Variants in CHD9 observed in about 807,000 individuals in gnomAD.
The protein encoded by CHD9 is chromodomain helicase DNA binding protein 9.
In CHD9, 77 loss-of-function variants were observed where a neutral mutation model predicts 316.1. That is an observed-to-expected ratio of 0.24 (90% CI 0.20 to 0.29). The LOEUF (loss-of-function observed/expected upper bound fraction) is 0.29. Ranked by LOEUF, CHD9 falls within the 10% of genes least tolerant of loss-of-function variation. CHD9 has a pLI of 1.00. For synonymous variants in CHD9, 1,129 were observed against 1,158.3 expected (o/e 0.97, Z 0.51); for missense variants, 2,763 against 3,438.1 (o/e 0.80, Z 4.91).
At chr16:53,147,712 A>G (rs2040744313) in intron 1 of CHD9, among the ~76,000 whole-genome samples, 1 of 152,140 alleles carries the variant, frequency 6.6e-6, no homozygotes, top group African/African-American at 2.4e-5. Flanking sequence ...TGACTGAGTA[A>G]GATTCTATTA....
intron 2 of CHD9, among the ~76,000 whole-genome samples, chr16:53,179,485 G>A (rs1189214104): frequency 3.3e-5 from 5 of 151,470 alleles, no homozygotes; most frequent in African/African-American, 1.2e-4. Flanking sequence ...ATCTTAAAGG[G>A]GGATCAATAA....
chr16:53,292,240 G>A (rs985585379), intron 28 of CHD9, among the ~76,000 whole-genome samples: 1 of 152,152 alleles, frequency 6.6e-6, no homozygotes, highest in Non-Finnish European at 1.5e-5. Context: ...GCCTCACCCT[G>A]CCATAGTTCA....
At chr16:53,204,866 CAG>C (rs1419105526) in intron 2 of CHD9, among the ~76,000 whole-genome samples, 2 of 152,000 alleles carry the variant, frequency 1.3e-5, no homozygotes, top group African/African-American at 2.4e-5. Context: ...TGTTTTGAGA[CAG>C]AGTTTCGCTC....
At chr16:53,246,952 T>A (rs1349646065) in intron 15 of CHD9, among the ~76,000 whole-genome samples, 1 of 152,246 alleles carries the variant, frequency 6.6e-6, no homozygotes, top group Non-Finnish European at 1.5e-5. Context: ...TATTTAAAAA[T>A]ATATGTGTTT....
At chr16:53,170,100 A>C (rs1012868980) in intron 2 of CHD9, among the ~76,000 whole-genome samples, 1 of 146,996 alleles carries the variant, frequency 6.8e-6, no homozygotes, top group South Asian at 2.1e-4. Context: ...TATGATAGCT[A>C]TTGGATCACA....
chr16:53,179,766 A>C (rs1183466828), intron 2 of CHD9, among the ~76,000 whole-genome samples: 2 of 151,830 alleles, frequency 1.3e-5, no homozygotes, highest in Non-Finnish European at 2.9e-5. Context: ...GTGTGGTGGC[A>C]CGCACCTGTA....
At chr16:53,289,505 G>A (rs1302728450) in intron 27 of CHD9, among the ~76,000 whole-genome samples, 2 of 152,180 alleles carry the variant, frequency 1.3e-5, no homozygotes, top group Non-Finnish European at 2.9e-5. Context: ...CATAAAGGGA[G>A]AAATGATTTG....
intron 2 of CHD9, among the ~76,000 whole-genome samples, chr16:53,200,390 A>AAAC (rs1555507096): frequency 1.4e-5 from 2 of 143,338 alleles, no homozygotes; most frequent in African/African-American, 5.3e-5. Context: ...AAAAAAAAAA[A>AAAC]CCACAAAAAT....
intron 1 of CHD9, among the ~76,000 whole-genome samples, chr16:53,131,757 G>A (rs2039335499): frequency 6.6e-6 from 1 of 152,108 alleles, no homozygotes; most frequent in Admixed American, 6.5e-5. Flanking sequence ...ATGACAGGGC[G>A]TCCCGCGCGG....
chr16:53,211,498 C>CA (rs1426526980), intron 3 of CHD9, among the ~76,000 whole-genome samples: 1 of 152,000 alleles, frequency 6.6e-6, no homozygotes, highest in African/African-American at 2.4e-5. Flanking sequence ...TTCTAGAAAA[C>CA]AAAATCGATA....
chr16:53,143,779 T>A (rs1377702369), intron 1 of CHD9, among the ~76,000 whole-genome samples: 1 of 152,198 alleles, frequency 6.6e-6, no homozygotes, highest in African/African-American at 2.4e-5. Flanking sequence ...TGGATAAATA[T>A]TACAAGTTGG....
rs1302025642 is a variant in CHD9 at position 53,255,916 on chromosome 16, A to AT, written c.4209+144dup. ...TGCAGTAGGTAATGTATTTTCCTTC[A>AT]TTTTTTTCTGATCCCTTATGTTAAT... On this transcript the variant is annotated intron_variant, in intron 19 of 38. Coordinates refer to ENST00000447540, the MANE Select transcript of CHD9 (RefSeq NM_001308319.2). 7.7e-6 allele frequency: 6 copies of AT among 778,396 alleles called. No individual in the cohort carries two copies. In the South Asian group the frequency reaches 1.0e-4, roughly 13 times the overall value. 48.2% of individuals were successfully genotyped at this position (778,396 alleles called of 1,614,324 possible). A position where few individuals can be genotyped will look rare whatever the true frequency, so the allele number is the denominator to read the frequency against.
At chr16:53,270,927 C>T (rs1167754619) in intron 22 of CHD9, among the ~76,000 whole-genome samples, 2 of 151,972 alleles carry the variant, frequency 1.3e-5, no homozygotes, top group Admixed American at 6.6e-5. Flanking sequence ...TCCATGTAGC[C>T]AGGATGAAAA....
rs1177082801 is a variant in CHD9 at position 53,157,177 on chromosome 16, A to C, written c.1088A>C (p.Asp363Ala). Reference sequence around the variant, plus strand: ...TCTCCTGTGCACATGAACTTCCCAGATCCTGTTGACTCAGGAACTCAAATG... The same window carrying C: ...TCTCCTGTGCACATGAACTTCCCAGCTCCTGTTGACTCAGGAACTCAAATG... Reference protein sequence around the residue: ...KLSPVHMNFPDPVDSGTQMGH... With the variant: ...KLSPVHMNFPAPVDSGTQMGH... The change falls in exon 2 of 39, where the codon GAT becomes GCT. Residue 363 changes from aspartate to alanine, a missense_variant. Asp to Ala is a moderately radical substitution (Grantham distance 126). Around this residue, in one of 15 missense-constraint regions of CHD9, gnomAD observed 859 missense variants for 890.4 expected, o/e 0.96. Coordinates refer to ENST00000447540, the MANE Select transcript of CHD9 (RefSeq NM_001308319.2). The C allele has an allele frequency of 6.8e-6, 11 of 1,608,830 alleles. No homozygotes were observed. The African/African-American group carries it at 1.2e-4, about 18-fold the overall frequency.
intron 12 of CHD9, among the ~76,000 whole-genome samples, chr16:53,238,886 A>C (rs1385983143): frequency 2.0e-5 from 3 of 152,114 alleles, no homozygotes; most frequent in African/African-American, 7.2e-5. Context: ...ATTGTTTTTA[A>C]ATACACATTA....
At chr16:53,084,459 G>C (rs929269793) in intron 1 of CHD9, among the ~76,000 whole-genome samples, 1 of 152,126 alleles carries the variant, frequency 6.6e-6, no homozygotes, top group African/African-American at 2.4e-5. Context: ...AATCACAGAA[G>C]CCTGGCAGGG....
Position 53,156,963 on chromosome 16 carries a change from G to C in CHD9, c.874G>C (p.Val292Leu), listed in dbSNP as rs2041562857. The C allele has an allele frequency of 6.2e-7, 1 of 1,613,084 alleles. No homozygotes were observed. The highest frequency in any genetic ancestry group is 2.2e-5 in the East Asian group (1 of 44,882). Residue 292 changes from valine to leucine, a missense_variant, in exon 2 of 39, where the codon GTT becomes CTT. Val to Leu is a conservative substitution (Grantham distance 32, BLOSUM62 1). Coordinates refer to ENST00000447540, the MANE Select transcript of CHD9 (RefSeq NM_001308319.2). ...SPNSLLQSSAVLASNHTNQTL... is the reference protein window; with the variant it reads ...SPNSLLQSSALLASNHTNQTL... ...AAACAGTCTACTTCAGTCCTCTGCA[G>C]TTCTTGCATCTAATCATACAAATCA...
chr16:53,248,522 T>TTTG (rs2049854980), intron 16 of CHD9, among the ~76,000 whole-genome samples: 1 of 133,908 alleles, frequency 7.5e-6, no homozygotes, highest in African/African-American at 2.9e-5. Context: ...TGGTTTTTTT[T>TTTG]TTTGTTTTTT....
At position 53,247,456 on chromosome 16, in the gene CHD9, A is replaced by G. The variant is rs375898288; in HGVS notation, c.3618A>G (p.Gln1206=). Residue 1206 remains glutamine (Q), a synonymous_variant, in exon 16 of 39, where the codon CAA becomes CAG. Transcript: ENST00000447540. ...GTCATAAAGTGCTCATCTTCTCTCA[A>G]ATGGTTCGTTGCCTTGACATTCTGG... ...AGGHKVLIFS[Q]MVRCLDILED... 171 of 1,607,700 alleles carry G rather than the reference A, an allele frequency of 1.1e-4. 2 individuals are homozygous for G. In the South Asian group the frequency reaches 1.6e-3, roughly 15 times the overall value.
Sources: allele counts gnomAD v4.1 joint callset (sites outside exome capture counted in the v4.1 genomes callset), GRCh38; gene constraint gnomAD v4.1.1; regional missense constraint gnomAD v4.1.1; transcripts MANE v1.5; gene names NCBI Gene and HGNC (gene_info 2026-07-23, HGNC 2026-07-21).